TAOK2: variants seen among roughly 807,000 people sequenced by gnomAD.
TAOK2 encodes the protein TAO kinase 2, also known as serine/threonine-protein kinase TAO2.
In TAOK2, 42 loss-of-function variants were observed where a neutral mutation model predicts 122.5. The ratio of observed to expected loss-of-function variants is 0.34; its 90% CI spans 0.27 to 0.44. The LOEUF (loss-of-function observed/expected upper bound fraction) is 0.44, where lower values mean the gene tolerates loss of function less well. Ranked by LOEUF, TAOK2 falls within the 20% of genes least tolerant of loss-of-function variation. The pLI is 1.00. For synonymous variants in TAOK2, 704 were observed against 677.6 expected (o/e 1.04, Z -0.61); for missense variants, 1,264 against 1,644.9 (o/e 0.77, Z 4.01).
In TAOK2 at chr16:29,979,623, C is replaced by A; in HGVS notation, c.655+115C>A. 1 of 836,224 alleles carries A rather than the reference C, an allele frequency of 1.2e-6. No homozygotes were observed. Among genetic ancestry groups the A allele is most frequent in the Non-Finnish European group, 1.8e-6 (1 of 552,884 alleles). 51.8% of individuals were successfully genotyped at this position (836,224 alleles called of 1,614,324 possible). On this transcript the variant is annotated intron_variant, in intron 8 of 15. Coordinates refer to ENST00000308893, the MANE Select transcript of TAOK2 (RefSeq NM_016151.4). The surrounding 1 kb of genome is among the most constrained non-coding windows in gnomAD (Gnocchi z 4.1). ...GGATCCCAGGCCTCCAAGTTCCTGT[C>A]CGTTGTGACTCTACCCTGGAGCCCA...
chr16:29,983,407 T>A, intron 12 of TAOK2, 75 bp downstream of exon 12: 1 of 1,562,586 alleles, frequency 6.4e-7, no homozygotes, highest in Non-Finnish European at 8.7e-7. Flanking sequence ...CTTCCCTAAG[T>A]GCAGCACTCC....
chr16:29,978,186 T>C (rs746606283), intron 3 of TAOK2, 26 bp downstream of exon 3: 5 of 1,613,966 alleles, frequency 3.1e-6, no homozygotes, highest in East Asian at 2.2e-5. Flanking sequence ...TACAGCCAGG[T>C]TGGGGACAGG....
At chr16:29,978,184 G>A (rs1390412941) in intron 3 of TAOK2, 24 bp downstream of exon 3, 17 of 1,613,980 alleles carry the variant, frequency 1.1e-5, no homozygotes, top group Admixed American at 1.7e-5. Flanking sequence ...AATACAGCCA[G>A]GTTGGGGACA....
At position 29,974,339 on chromosome 16, in the gene TAOK2, C is replaced by T. The variant is rs1296496653; in HGVS notation, c.-345C>T. The T allele has an allele frequency of 6.6e-6, 1 of 152,652 alleles. No individual in the cohort carries two copies. Among genetic ancestry groups the T allele is most frequent in the East Asian group, 1.9e-4 (1 of 5,180 alleles). 9.5% of individuals were successfully genotyped at this position (152,652 alleles called of 1,614,324 possible). A position where few individuals can be genotyped will look rare whatever the true frequency, so the allele number is the denominator to read the frequency against. On this transcript the variant is annotated 5_prime_UTR_variant, in exon 1 of 16. Coordinates refer to ENST00000308893, the MANE Select transcript of TAOK2 (RefSeq NM_016151.4). ...GCACCAGTATCCGGGGTTCATTCCC[C>T]GGGCGTTCAAATATCGGATTCAGTC...
intron 4 of TAOK2, 68 bp downstream of exon 4, chr16:29,978,421 C>T (rs990997342): frequency 6.6e-7 from 1 of 1,509,102 alleles, no homozygotes; most frequent in South Asian, 1.1e-5. Flanking sequence ...GTAGTCCAGT[C>T]TCTTAGGTGG....
At position 29,983,679 on chromosome 16, in the gene TAOK2, CCTCA is replaced by C. The variant is rs1409200492; in HGVS notation, c.1422+20_1422+23del. The C allele has an allele frequency of 2.5e-6, 4 of 1,591,278 alleles. No individual in the cohort carries two copies. The highest frequency in any genetic ancestry group is 3.4e-6 in the Non-Finnish European group (4 of 1,166,580). ...CCGCCTCCCTGGTGAGTGTAGCCATCCTCACTCAGCCTGCTCGCTGTCTGTTTTT... is the reference window on the plus strand; with the variant it reads ...CCGCCTCCCTGGTGAGTGTAGCCATCCTCAGCCTGCTCGCTGTCTGTTTTT... On this transcript the variant is annotated intron_variant, in intron 13 of 15. Coordinates refer to ENST00000308893, the MANE Select transcript of TAOK2 (RefSeq NM_016151.4).
intron 1 of TAOK2, 56 bp from the exon 2 acceptor site, chr16:29,977,679 CCTT>C: frequency 6.7e-7 from 1 of 1,491,620 alleles, no homozygotes; most frequent in Non-Finnish European, 9.0e-7. Context: ...TTGATGGGTC[CCTT>C]CCTCTCCCTG....
chr16:29,984,359 T>C (rs1365568915), intron 13 of TAOK2, among the ~76,000 whole-genome samples: 2 of 152,228 alleles, frequency 1.3e-5, no homozygotes, highest in African/African-American at 2.4e-5. Flanking sequence ...TGGCAGTCTT[T>C]CTCAGTTCAC....
chr16:29,976,225 T>C (rs1484379094), intron 1 of TAOK2, among the ~76,000 whole-genome samples: 1 of 152,068 alleles, frequency 6.6e-6, no homozygotes, highest in African/African-American at 2.4e-5. Context: ...TGTGTGGGTG[T>C]GTGGTGCTGG....
chr16:29,982,668 G>A lies in TAOK2; in HGVS notation c.832-66G>A. 3.2e-6 allele frequency: 5 copies of A among 1,567,232 alleles called. No homozygotes were observed. The East Asian group carries it at 1.1e-4, about 35-fold the overall frequency. On this transcript the variant is annotated intron_variant, in intron 10 of 15. Coordinates refer to ENST00000308893, the MANE Select transcript of TAOK2 (RefSeq NM_016151.4). The stretch of plus-strand genomic sequence containing the variant: ...AAGAGTGCCTCAGGCCTGAGGGAAT[G>A]CCAAGGGCTGTGGGTTGTGGGGGGA...
At position 29,985,765 on chromosome 16, in the gene TAOK2, G is replaced by A. The variant is rs747813317; in HGVS notation, c.1896G>A (p.Leu632=). 8 of 1,610,974 alleles carry A rather than the reference G, an allele frequency of 5.0e-6. No homozygotes were observed. In the East Asian group the frequency reaches 1.1e-4, roughly 22 times the overall value. Reference sequence around the variant, plus strand: ...AGGCGGAGGAGGAAGCAGGGCTGCTGCGGCGGCAGCGCCAGTACTTTGAGC... The same window carrying A: ...AGGCGGAGGAGGAAGCAGGGCTGCTACGGCGGCAGCGCCAGTACTTTGAGC... ...QCQAEEEAGL[L]RRQRQYFELQ... Residue 632 remains leucine (L), a synonymous_variant, in exon 15 of 16, where the codon CTG becomes CTA. Transcript: ENST00000308893. This position sits in a 1 kb window ranked among gnomAD's most constrained non-coding sequence, Gnocchi z 6.9.
rs929371934 is a variant in TAOK2, at chr16:29,988,239, T to C, written c.*259T>C. 37 of 1,448,434 alleles carry C rather than the reference T, an allele frequency of 2.6e-5. No individual in the cohort carries two copies. The highest frequency in any genetic ancestry group is 7.6e-5 in the East Asian group (3 of 39,222). The allele number at this position is 1,448,434 out of a possible 1,614,324, so 89.7% of individuals were successfully genotyped here. A position where few individuals can be genotyped will look rare whatever the true frequency, so the allele number is the denominator to read the frequency against. ...CTGTGTGTGCTCATCCTCACCCTCATTGACTCAGGCCTGGGGCCAGGGGTG... is the reference window on the plus strand; with the variant it reads ...CTGTGTGTGCTCATCCTCACCCTCACTGACTCAGGCCTGGGGCCAGGGGTG... On this transcript the variant is annotated 3_prime_UTR_variant, in exon 16 of 16. Coordinates refer to ENST00000308893, the MANE Select transcript of TAOK2 (RefSeq NM_016151.4).
downstream of TAOK2, chr16:29,989,750 C>T (rs759027071): frequency 6.2e-7 from 1 of 1,613,938 alleles, no homozygotes; most frequent in Admixed American, 1.7e-5. Context: ...CGCAAGCTGG[C>T]GATCTTGGCG....
In TAOK2 at chr16:29,985,132, C is replaced by G; in HGVS notation, c.1423-81C>G. On this transcript the variant is annotated intron_variant, in intron 13 of 15. Transcript: ENST00000308893. This position sits in a 1 kb window ranked among gnomAD's most constrained non-coding sequence, Gnocchi z 6.9. ...GAAACCCATGAGTTGAAAACCCATG[C>G]TCTTCCCCACGGAAGACCCCTTGTG... 7.0e-7 allele frequency: 1 copy of G among 1,426,152 alleles called. No homozygotes were observed. 88.3% of individuals were successfully genotyped at this position (1,426,152 alleles called of 1,614,324 possible). A position where few individuals can be genotyped will look rare whatever the true frequency, so the allele number is the denominator to read the frequency against.
Position 29,979,645 on chromosome 16 carries a change from C to T in TAOK2, c.655+137C>T. ...TGTCCGTTGTGACTCTACCCTGGAG[C>T]CCAATACAGGCAGCTGGCAAATTCT... On this transcript the variant is annotated intron_variant, in intron 8 of 15. Coordinates refer to ENST00000308893, the MANE Select transcript of TAOK2 (RefSeq NM_016151.4). The surrounding 1 kb of genome is among the most constrained non-coding windows in gnomAD (Gnocchi z 4.1). The T allele has an allele frequency of 1.5e-6, 1 of 672,626 alleles. No individual in the cohort carries two copies. The highest frequency in any genetic ancestry group is 2.4e-6 in the Non-Finnish European group (1 of 416,004). The allele number at this position is 672,626 out of a possible 1,614,324, so 41.7% of individuals were successfully genotyped here.
At chr16:29,983,790 G>GCAGGAGCCAGCAA in intron 13 of TAOK2, 126 bp downstream of exon 13, 10 of 1,393,034 alleles carry the variant, frequency 7.2e-6, no homozygotes, top group Non-Finnish European at 8.8e-6. Flanking sequence ...TCTGTTGCTG[G>GCAGGAGCCAGCAA]CTCCTGCCTG....
chr16:29,990,756 CCTACAA>C, downstream of TAOK2: 2 of 1,584,722 alleles, frequency 1.3e-6, no homozygotes, highest in Non-Finnish European at 1.7e-6. Context: ...GGAGGAGATC[CCTACAA>C]CTGGTTGTTC....
rs543932739 is a variant in TAOK2 at position 29,979,636 on chromosome 16, A to G, written c.655+128A>G. ...CCAAGTTCCTGTCCGTTGTGACTCT[A>G]CCCTGGAGCCCAATACAGGCAGCTG... On this transcript the variant is annotated intron_variant, in intron 8 of 15. Transcript: ENST00000308893. This position sits in a 1 kb window ranked among gnomAD's most constrained non-coding sequence, Gnocchi z 4.1. 2.1e-4 allele frequency: 151 copies of G among 734,046 alleles called. 1 individual carries two copies. In the South Asian group the frequency reaches 3.3e-3, roughly 16 times the overall value. The allele number at this position is 734,046 out of a possible 1,614,324, so 45.5% of individuals were successfully genotyped here.
chr16:29,988,167 T>G lies in TAOK2; in HGVS notation c.*187T>G, dbSNP rs10445105. 0.045 allele frequency: 63,971 copies of G among 1,432,500 alleles called. 1,687 individuals are homozygous for G. Among genetic ancestry groups the G allele is most frequent in the Non-Finnish European group, 0.052 (57,471 of 1,098,654 alleles). The allele number at this position is 1,432,500 out of a possible 1,614,324, so 88.7% of individuals were successfully genotyped here. A position where few individuals can be genotyped will look rare whatever the true frequency, so the allele number is the denominator to read the frequency against. ...CTCAGCTGTGGAGTCCAGCAGTCACTCTGTGTTCTCCTGGCGCTCCTCCCC... is the reference window on the plus strand; with the variant it reads ...CTCAGCTGTGGAGTCCAGCAGTCACGCTGTGTTCTCCTGGCGCTCCTCCCC... On this transcript the variant is annotated 3_prime_UTR_variant, in exon 16 of 16. Coordinates refer to ENST00000308893, the MANE Select transcript of TAOK2 (RefSeq NM_016151.4).
Sources: gnomAD v4.1 joint callset for allele counts (sites outside exome capture counted in the v4.1 genomes callset) on GRCh38, gnomAD v4.1.1 for gene constraint, Gnocchi (gnomAD v3.1) non-coding constraint, MANE v1.5 for transcripts, NCBI Gene and HGNC (gene_info 2026-07-23, HGNC 2026-07-21) for gene names.